Variants in MGMT observed in about 807,000 individuals in gnomAD.
MGMT encodes methylated-DNA--protein-cysteine methyltransferase.
A neutral mutation model predicts 15.9 loss-of-function variants in MGMT; 14 were observed. That is an observed-to-expected ratio of 0.88 (90% CI 0.58 to 1.37). The LOEUF is 1.37. MGMT is among the 40% of genes most tolerant of loss of function. MGMT has a pLI of 0.00. For synonymous variants in MGMT, 130 were observed against 118.2 expected (o/e 1.10, Z -0.65); for missense variants, 282 against 268.1 (o/e 1.05, Z -0.36).
chr10:129,708,625 T>G (rs1234770408), intron 3 of MGMT, among the ~76,000 whole-genome samples: 1 of 152,254 alleles, frequency 6.6e-6, no homozygotes, highest in African/African-American at 2.4e-5. Context: ...GACATTTCTT[T>G]TAAAGCTTGT....
At chr10:129,621,084 G>A (rs1464220961) in intron 2 of MGMT, among the ~76,000 whole-genome samples, 5 of 152,116 alleles carry the variant, frequency 3.3e-5, no homozygotes, top group Admixed American at 6.5e-5. Flanking sequence ...CATGTGACTC[G>A]GGCAACTGAA....
At chr10:129,485,610 G>A (rs1052712098) in intron 1 of MGMT, among the ~76,000 whole-genome samples, 2 of 152,250 alleles carry the variant, frequency 1.3e-5, no homozygotes, top group Admixed American at 1.3e-4. Flanking sequence ...TTGGATTTTT[G>A]GATTAGGGAT....
At chr10:129,755,171 T>G (rs80053656) in intron 3 of MGMT, among the ~76,000 whole-genome samples, 2,515 of 152,328 alleles carry the variant, frequency 0.017, 70 homozygotes, top group African/African-American at 0.055. Context: ...AAGAAACAAG[T>G]ATAGAGTGCT....
intron 2 of MGMT, among the ~76,000 whole-genome samples, chr10:129,610,972 A>G (rs1846952781): frequency 6.6e-6 from 1 of 152,218 alleles, no homozygotes; most frequent in African/African-American, 2.4e-5. Context: ...TCCAGCCAAC[A>G]GGATGATGGG....
chr10:129,682,804 A>T (rs968375397), intron 2 of MGMT, among the ~76,000 whole-genome samples: 3 of 152,130 alleles, frequency 2.0e-5, no homozygotes, highest in Non-Finnish European at 4.4e-5. Flanking sequence ...GTGAATCTTC[A>T]ATTTCAAACT....
chr10:129,714,325 T>C (rs1349171751), intron 3 of MGMT, among the ~76,000 whole-genome samples: 1 of 152,272 alleles, frequency 6.6e-6, no homozygotes, highest in Non-Finnish European at 1.5e-5. Flanking sequence ...CATTGTTTCA[T>C]ATTTGAATAT....
At chr10:129,600,318 G>A (rs1466874278) in intron 2 of MGMT, among the ~76,000 whole-genome samples, 1 of 152,126 alleles carries the variant, frequency 6.6e-6, no homozygotes, top group Non-Finnish European at 1.5e-5. Context: ...AATTTCCTTT[G>A]TCTCCGAGCC....
At chr10:129,608,811 G>A (rs1404076324) in intron 2 of MGMT, among the ~76,000 whole-genome samples, 4 of 152,264 alleles carry the variant, frequency 2.6e-5, no homozygotes, top group Admixed American at 2.6e-4. Context: ...GGCCCAGCGC[G>A]TGCTCCCCAG....
chr10:129,607,557 G>A (rs770433349), intron 2 of MGMT, among the ~76,000 whole-genome samples: 3 of 152,160 alleles, frequency 2.0e-5, no homozygotes, highest in Admixed American at 6.5e-5. Context: ...GTCCACGTTA[G>A]CATTTCTGCC....
chr10:129,649,248 A>G (rs563404099), intron 2 of MGMT, among the ~76,000 whole-genome samples: 42 of 152,266 alleles, frequency 2.8e-4, no homozygotes, highest in Non-Finnish European at 5.4e-4. Context: ...GGGGACTGGG[A>G]ACAAGCTTTC....
intron 2 of MGMT, among the ~76,000 whole-genome samples, chr10:129,597,600 A>G (rs1236690215): frequency 6.6e-6 from 1 of 152,204 alleles, no homozygotes; most frequent in Non-Finnish European, 1.5e-5. Context: ...ATTATCCAAA[A>G]GCTCAAGGTG....
At position 129,759,307 on chromosome 10, in the gene MGMT, C is replaced by T. The variant is rs748040489; in HGVS notation, c.380C>T (p.Ala127Val). 7 of 1,614,042 alleles carry T rather than the reference C, an allele frequency of 4.3e-6. No homozygotes were observed. The highest frequency in any genetic ancestry group is 5.1e-6 in the Non-Finnish European group (6 of 1,180,044). ...LAALAGNPKA[A>V]RAVGGAMRGN... ...GCCCTGGCAGGCAACCCCAAAGCCGCGCGAGCAGTGGGAGGAGCAATGAGA... is the reference window on the plus strand; with the variant it reads ...GCCCTGGCAGGCAACCCCAAAGCCGTGCGAGCAGTGGGAGGAGCAATGAGA... The change falls in exon 4 of 5, where the codon GCG becomes GTG. Residue 127 changes from alanine (A) to valine (V), a missense_variant. Ala to Val is a moderately conservative substitution (Grantham distance 64, BLOSUM62 0). Coordinates refer to ENST00000651593, the MANE Select transcript of MGMT (RefSeq NM_002412.5).
chr10:129,718,801 G>A lies in MGMT; in HGVS notation c.274+10758G>A, dbSNP rs183601686. ...TCTGAGATGTCTAGAGCCAGTCCAC[G>A]TGCCTGCTCAGGCACATCACCTTCC... is the stretch of plus-strand genomic sequence containing the variant. On this transcript the variant is annotated intron_variant, in intron 3 of 4. Transcript: ENST00000651593. Among the ~76,000 whole-genome samples the A allele has an allele frequency of 1.4e-4, 22 of 151,870 alleles. No individual in the cohort carries two copies. In the East Asian group the frequency reaches 1.6e-3, roughly 11 times the overall value.
intron 3 of MGMT, among the ~76,000 whole-genome samples, chr10:129,721,170 G>C (rs547355735): frequency 6.6e-6 from 1 of 152,106 alleles, no homozygotes; most frequent in African/African-American, 2.4e-5. Context: ...ATGCCACCCA[G>C]GTGATGTAAT....
chr10:129,499,053 T>C (rs1053833814), intron 1 of MGMT, among the ~76,000 whole-genome samples: 3 of 152,262 alleles, frequency 2.0e-5, no homozygotes, highest in Admixed American at 6.5e-5. Context: ...TTCTCCAACA[T>C]TGAGAAACCT....
chr10:129,679,369 T>G (rs1462524173), intron 2 of MGMT, among the ~76,000 whole-genome samples: 1 of 131,212 alleles, frequency 7.6e-6, no homozygotes, highest in Non-Finnish European at 1.6e-5. Flanking sequence ...CCCTGCGGGC[T>G]TCCACAACTG....
Position 129,646,749 on chromosome 10 carries a change from TA to T in MGMT, c.126-61145del, listed in dbSNP as rs1360625289. ...ATATATATATATATATATATATATA[TA>T]TATATTTTCAGGGAATGGTAGAGAA... On this transcript the variant is annotated intron_variant, in intron 2 of 4. Coordinates refer to ENST00000651593, the MANE Select transcript of MGMT (RefSeq NM_002412.5). Among the ~76,000 whole-genome samples, 51 of 112,236 alleles carry T rather than the reference TA, an allele frequency of 4.5e-4. 3 individuals are homozygous for T. The highest frequency in any genetic ancestry group is 3.7e-3 in the East Asian group (16 of 4,286). The allele number at this position is 112,236 out of a possible 152,430, so 73.6% of individuals were successfully genotyped here. A position where few individuals can be genotyped will look rare whatever the true frequency, so the allele number is the denominator to read the frequency against.
At chr10:129,617,574 C>T (rs1847042097) in intron 2 of MGMT, among the ~76,000 whole-genome samples, 1 of 152,130 alleles carries the variant, frequency 6.6e-6, no homozygotes, top group African/African-American at 2.4e-5. Flanking sequence ...GTTTTCTCTA[C>T]AGCCTCACCG....
chr10:129,684,572 C>T (rs1208482021), intron 2 of MGMT, among the ~76,000 whole-genome samples: 5 of 152,134 alleles, frequency 3.3e-5, no homozygotes, highest in African/African-American at 1.2e-4. Flanking sequence ...TGTGAATACA[C>T]GTAAGTGATT....
Sources: gnomAD v4.1 joint callset for allele counts (sites outside exome capture counted in the v4.1 genomes callset) on GRCh38, gnomAD v4.1.1 for gene constraint, MANE v1.5 for transcripts, NCBI Gene and HGNC (gene_info 2026-07-23, HGNC 2026-07-21) for gene names.